COL5A2: variants seen among roughly 807,000 people sequenced by gnomAD.
The protein encoded by COL5A2 is collagen alpha-2(V) chain.
COL5A2 carries 23 observed loss-of-function variants against 208.2 expected under a neutral mutation model. The ratio of observed to expected loss-of-function variants is 0.11; its 90% CI spans 0.08 to 0.16. COL5A2 has a LOEUF of 0.16. COL5A2 is among the 10% of genes least tolerant of loss of function. COL5A2 has a pLI of 1.00. For missense variants in COL5A2, 1,590 were observed against 1,956.4 expected (o/e 0.81, Z 3.53); for synonymous variants, 625 against 628.5 (o/e 0.99, Z 0.08).
At chr2:189,270,621 T>A in the COL5A2 span, among the ~76,000 whole-genome samples, 1 of 152,080 alleles carries the variant, frequency 6.6e-6, no homozygotes, top group Non-Finnish European at 1.5e-5. Flanking sequence ...TCTTTTGCGT[T>A]TGCTGAAGAG....
chr2:189,419,779 G>A, the COL5A2 span, among the ~76,000 whole-genome samples: 1 of 151,026 alleles, frequency 6.6e-6, no homozygotes, highest in African/African-American at 2.4e-5. Flanking sequence ...CTGGGCAACA[G>A]AGCAAGACCA....
chr2:189,054,441 G>A (rs1685858064), intron 35 of COL5A2, among the ~76,000 whole-genome samples: 1 of 152,012 alleles, frequency 6.6e-6, no homozygotes, highest in Admixed American at 6.5e-5. Context: ...TCTCTTTCAT[G>A]CAACCTAATT....
At chr2:189,135,027 G>A (rs188342176) in intron 1 of COL5A2, among the ~76,000 whole-genome samples, 13 of 152,230 alleles carry the variant, frequency 8.5e-5, no homozygotes, top group South Asian at 2.1e-4. Context: ...AGCTCATAAC[G>A]TTGGGTTGGC....
the COL5A2 span, among the ~76,000 whole-genome samples, chr2:189,436,605 G>T: frequency 4.1e-4 from 63 of 152,170 alleles, no homozygotes; most frequent in African/African-American, 1.5e-3. Context: ...CAACCTAAAT[G>T]CCCATCAATG....
chr2:189,072,765 C>CAAA lies in COL5A2; in HGVS notation c.1105-675_1105-673dup, dbSNP rs58636533. On this transcript the variant is annotated intron_variant, in intron 17 of 53. Transcript: ENST00000374866. ...CCAACCTGCAGTCAGACTCCATCTC[C>CAAA]AAAAAAAAAAAAAAAAAAAAACCAT... Among the ~76,000 whole-genome samples, 211 of 67,472 alleles carry CAAA rather than the reference C, an allele frequency of 3.1e-3. 7 individuals carry two copies. The highest frequency in any genetic ancestry group is 0.024 in the South Asian group (37 of 1,564). 44.3% of individuals were successfully genotyped at this position (67,472 alleles called of 152,430 possible).
intron 1 of COL5A2, among the ~76,000 whole-genome samples, chr2:189,171,017 G>T (rs1171878877): frequency 6.6e-6 from 1 of 152,088 alleles, no homozygotes; most frequent in African/African-American, 2.4e-5. Flanking sequence ...ACTGTTGTGA[G>T]ATGGCCAGAG....
At chr2:189,332,126 G>A in the COL5A2 span, among the ~76,000 whole-genome samples, 11 of 152,044 alleles carry the variant, frequency 7.2e-5, no homozygotes, top group East Asian at 2.1e-3. Flanking sequence ...CAATAATAAA[G>A]CCACCAAAGT....
the COL5A2 span, among the ~76,000 whole-genome samples, chr2:189,331,461 G>A: frequency 6.6e-6 from 1 of 152,186 alleles, no homozygotes; most frequent in East Asian, 1.9e-4. Flanking sequence ...CCTGGAGGGA[G>A]ATAATTGAAT....
At chr2:189,193,602 T>C (rs2105848498) in intron 1 of COL5A2, among the ~76,000 whole-genome samples, 1 of 152,226 alleles carries the variant, frequency 6.6e-6, no homozygotes, top group East Asian at 1.9e-4. Flanking sequence ...CAAACCTCAT[T>C]TTATAGATAA....
the COL5A2 span, among the ~76,000 whole-genome samples, chr2:189,309,145 A>C: frequency 1.3e-5 from 2 of 152,168 alleles, no homozygotes; most frequent in Non-Finnish European, 2.9e-5. Context: ...CCTCATCGAG[A>C]ATGTCAGGCA....
chr2:189,201,637 A>G (rs1689069061), intron 1 of COL5A2, among the ~76,000 whole-genome samples: 1 of 152,010 alleles, frequency 6.6e-6, no homozygotes, highest in Non-Finnish European at 1.5e-5. Flanking sequence ...TAAGAAGGAT[A>G]AATACAAATA....
intron 4 of COL5A2, among the ~76,000 whole-genome samples, chr2:189,099,165 T>C (rs1336550972): frequency 6.6e-6 from 1 of 152,208 alleles, no homozygotes; most frequent in Non-Finnish European, 1.5e-5. Context: ...TAAATATTTG[T>C]ATTTGTAAAG....
chr2:189,143,812 G>C (rs1032043523), intron 1 of COL5A2, among the ~76,000 whole-genome samples: 2 of 152,024 alleles, frequency 1.3e-5, no homozygotes, highest in Non-Finnish European at 1.5e-5. Flanking sequence ...TTTGAAAAAG[G>C]AGTAAGATAT....
At chr2:189,126,612 C>T (rs184855158) in intron 1 of COL5A2, among the ~76,000 whole-genome samples, 1 of 151,910 alleles carries the variant, frequency 6.6e-6, no homozygotes, top group Non-Finnish European at 1.5e-5. Context: ...GCATGTAAGT[C>T]AAATTTAATT....
At chr2:189,364,245 T>C in the COL5A2 span, among the ~76,000 whole-genome samples, 1 of 152,240 alleles carries the variant, frequency 6.6e-6, no homozygotes, top group Non-Finnish European at 1.5e-5. Flanking sequence ...AGAGTATATC[T>C]GCTTGTGATA....
intron 1 of COL5A2, among the ~76,000 whole-genome samples, chr2:189,196,301 A>G (rs1216684224): frequency 6.6e-6 from 1 of 150,712 alleles, no homozygotes; most frequent in Non-Finnish European, 1.5e-5. Flanking sequence ...ATTATGTATT[A>G]TATCTCTTTA....
At chr2:189,433,146 A>G in the COL5A2 span, among the ~76,000 whole-genome samples, 3 of 152,248 alleles carry the variant, frequency 2.0e-5, no homozygotes, top group Non-Finnish European at 4.4e-5. Flanking sequence ...GAACAAAGAT[A>G]AAACGTACCA....
At chr2:189,336,961 T>C in the COL5A2 span, among the ~76,000 whole-genome samples, 8 of 152,186 alleles carry the variant, frequency 5.3e-5, no homozygotes, top group Admixed American at 3.9e-4. Context: ...TCAGGTTGAG[T>C]TTATGGCCAA....
chr2:189,328,084 C>T, the COL5A2 span, among the ~76,000 whole-genome samples: 1 of 152,172 alleles, frequency 6.6e-6, no homozygotes, highest in African/African-American at 2.4e-5. Context: ...CATAGCAATG[C>T]TCTCAACTAA....
Sources: allele counts gnomAD v4.1 joint callset (sites outside exome capture counted in the v4.1 genomes callset), GRCh38; gene constraint gnomAD v4.1.1; transcripts MANE v1.5; gene names NCBI Gene and HGNC (gene_info 2026-07-23, HGNC 2026-07-21).